The following NCOR2 variants were observed in gnomAD, a reference collection of about 807,000 sequenced individuals.
NCOR2 encodes nuclear receptor corepressor 2, also known as CTG repeat protein 26.
Under a neutral mutation model 262.9 loss-of-function variants are expected in NCOR2, and 81 were observed. That is an observed-to-expected ratio of 0.31 (90% CI 0.26 to 0.37). The LOEUF is 0.37. Among genes scored for constraint, NCOR2 ranks in the 10% least tolerant of loss-of-function variants. NCOR2 has a pLI of 1.00. For synonymous variants in NCOR2, 1,659 were observed against 1,559.3 expected (o/e 1.06, Z -1.51); for missense variants, 3,385 against 3,621.4 (o/e 0.93, Z 1.68).
Position 124,402,389 on chromosome 12 carries a change from A to T in NCOR2, c.1640+15T>A. 1.2e-6 allele frequency: 2 copies of T among 1,613,936 alleles called. No individual in the cohort carries two copies. Among genetic ancestry groups the T allele is most frequent in the Non-Finnish European group, 1.7e-6 (2 of 1,179,836 alleles). The stretch of plus-strand genomic sequence containing the variant: ...TCAGCGGCCGGGCCCTGCAGGGGAC[A>T]GCAGGCTGCCTTACTTGAGGAGGTC... On this transcript the variant is annotated intron_variant, in intron 14 of 46. Transcript: ENST00000405201.
intron 6 of NCOR2, among the ~76,000 whole-genome samples, chr12:124,455,140 G>A (rs1182893217): frequency 3.9e-5 from 6 of 152,222 alleles, no homozygotes; most frequent in Non-Finnish European, 8.8e-5. Context: ...TGAGATGATG[G>A]AATGTTCTAA....
intron 1 of NCOR2, among the ~76,000 whole-genome samples, chr12:124,525,159 T>C (rs1451024539): frequency 6.6e-6 from 1 of 152,178 alleles, no homozygotes; most frequent in Admixed American, 6.5e-5. Context: ...CTCCAGCCAT[T>C]ACAGAGTGGG....
At chr12:124,400,201 C>G (rs1034478611) in intron 15 of NCOR2, among the ~76,000 whole-genome samples, 7 of 152,206 alleles carry the variant, frequency 4.6e-5, no homozygotes, top group African/African-American at 1.7e-4. Context: ...TCCTACACCC[C>G]AGGCACTGTT....
rs189442454 is a variant in NCOR2, at chr12:124,443,771, G to T, written c.816-5775C>A. On this transcript the variant is annotated intron_variant, in intron 7 of 46. Coordinates refer to ENST00000405201, the Ensembl canonical transcript of NCOR2. The surrounding 1 kb of genome is among the most constrained non-coding windows in gnomAD (Gnocchi z 4.4). ...CTGCCTCAGCCTCCCAAAGTGCTGG[G>T]ATTACAGGTGTGAGCCACCGCACCC... Among the ~76,000 whole-genome samples, 2 of 152,186 alleles carry T rather than the reference G, an allele frequency of 1.3e-5. No individual in the cohort carries two copies. The highest frequency in any genetic ancestry group is 4.8e-5 in the African/African-American group (2 of 41,436).
intron 16 of NCOR2, among the ~76,000 whole-genome samples, chr12:124,397,519 C>G (rs1220167237): frequency 1.3e-5 from 2 of 152,236 alleles, no homozygotes; most frequent in African/African-American, 4.8e-5. Flanking sequence ...AGCACCAATG[C>G]CTGCTGGCTC....
chr12:124,486,272 C>T, intron 2 of NCOR2, 169 bp downstream of exon 4: 1 of 1,068,420 alleles, frequency 9.4e-7, no homozygotes, highest in Non-Finnish European at 1.3e-6. Context: ...CCTGCTCGTC[C>T]CATCCTCACC....
intron 20 of NCOR2, among the ~76,000 whole-genome samples, chr12:124,367,013 T>C (rs892028466): frequency 1.3e-5 from 2 of 152,178 alleles, no homozygotes; most frequent in Non-Finnish European, 2.9e-5. Flanking sequence ...AATTTTAAGG[T>C]TGAAATGCAA....
chr12:124,497,303 G>A (rs541243296), upstream of NCOR2, among the ~76,000 whole-genome samples: 75 of 152,298 alleles, frequency 4.9e-4, 1 homozygote, highest in Admixed American at 3.5e-3. The surrounding 1 kb of genome is among the most constrained non-coding windows in gnomAD (Gnocchi z 4.2). Flanking sequence ...TCCCAGCCCC[G>A]AGACAGGATG....
chr12:124,466,019 C>A (rs2046397541), intron 5 of NCOR2, among the ~76,000 whole-genome samples, 154 bp downstream of exon 7: 1 of 152,230 alleles, frequency 6.6e-6, no homozygotes, highest in African/African-American at 2.4e-5. Context: ...GTCACCTTCC[C>A]CCACCCACTC....
chr12:124,349,205 A>C (rs1249762300), intron 28 of NCOR2, among the ~76,000 whole-genome samples: 1 of 152,184 alleles, frequency 6.6e-6, no homozygotes, highest in Admixed American at 6.5e-5. Flanking sequence ...CAGAGAGGTG[A>C]ACAGACGGAG....
chr12:124,328,948 C>A (rs940718923), intron 44 of NCOR2: 1 of 313,368 alleles, frequency 3.2e-6, no homozygotes, highest in Non-Finnish European at 6.4e-6. Context: ...TTTGAAAAAA[C>A]AGCCATGTGC....
intron 15 of NCOR2, among the ~76,000 whole-genome samples, chr12:124,399,275 C>T (rs2041865497): frequency 6.6e-6 from 1 of 152,112 alleles, no homozygotes; most frequent in African/African-American, 2.4e-5. Context: ...CCAGAGGAAG[C>T]CTACAGAAGC....
chr12:124,506,435 C>T (rs935735764), intron 1 of NCOR2, among the ~76,000 whole-genome samples: 1 of 152,166 alleles, frequency 6.6e-6, no homozygotes, highest in Admixed American at 6.5e-5. Context: ...CGGCCCTGCT[C>T]CCCCGCCACG....
chr12:124,543,272 G>A (rs560389630), intron 1 of NCOR2, among the ~76,000 whole-genome samples: 2 of 152,238 alleles, frequency 1.3e-5, no homozygotes, highest in Admixed American at 1.3e-4. Flanking sequence ...AGGGCCACCT[G>A]TCTGCTCCCA....
chr12:124,546,059 G>C (rs2051533938), intron 1 of NCOR2, among the ~76,000 whole-genome samples: 1 of 152,218 alleles, frequency 6.6e-6, no homozygotes, highest in South Asian at 2.1e-4. Flanking sequence ...GGCTCAGCCT[G>C]CAGCAAGGCC....
chr12:124,327,121 G>A (rs1184556262), intron 45 of NCOR2, among the ~76,000 whole-genome samples: 1 of 152,188 alleles, frequency 6.6e-6, no homozygotes, highest in Non-Finnish European at 1.5e-5. Flanking sequence ...AGGGAGGAAG[G>A]CGGGAGGACT....
At chr12:124,445,520 G>A (rs558056129) in intron 7 of NCOR2, among the ~76,000 whole-genome samples, 56 of 152,320 alleles carry the variant, frequency 3.7e-4, no homozygotes, top group African/African-American at 1.2e-3. Context: ...GCATGCAGAC[G>A]CAGAGAAATT....
intron 13 of NCOR2, among the ~76,000 whole-genome samples, chr12:124,418,918 T>G (rs2043058034): frequency 6.6e-6 from 1 of 152,102 alleles, no homozygotes; most frequent in Non-Finnish European, 1.5e-5. Context: ...CGGCTCGTGC[T>G]ATTCTTGGCC....
At chr12:124,380,409 G>A (rs890149459) in intron 17 of NCOR2, among the ~76,000 whole-genome samples, 3 of 152,204 alleles carry the variant, frequency 2.0e-5, no homozygotes, top group Non-Finnish European at 2.9e-5. Context: ...ACCAACAGTC[G>A]GCCAGAGGGC....
Sources: allele counts gnomAD v4.1 joint callset (sites outside exome capture counted in the v4.1 genomes callset), GRCh38; gene constraint gnomAD v4.1.1; non-coding constraint Gnocchi (gnomAD v3.1); transcripts MANE v1.5; gene names NCBI Gene and HGNC (gene_info 2026-07-23, HGNC 2026-07-21).